TENM4: variants seen among roughly 807,000 people sequenced by gnomAD.
The protein encoded by TENM4 is teneurin transmembrane protein 4.
In TENM4, 82 loss-of-function variants were observed where a neutral mutation model predicts 243.3. That is an observed-to-expected ratio of 0.34 (90% confidence interval 0.28 to 0.40). TENM4 has a LOEUF of 0.40. TENM4 is among the 10% of genes least tolerant of loss of function. The probability of loss-of-function intolerance (pLI) is 1.00; values close to 1 mark genes in which losing one functional copy is unlikely to be tolerated. For synonymous variants in TENM4, 1,412 were observed against 1,456.3 expected (o/e 0.97, Z 0.69); for missense variants, 3,138 against 3,673.3 (o/e 0.85, Z 3.77).
chr11:79,423,077 T>G (rs760452548), intron 1 of TENM4, among the ~76,000 whole-genome samples: 1 of 152,102 alleles, frequency 6.6e-6, no homozygotes, highest in African/African-American at 2.4e-5. Flanking sequence ...GAGGCTGTCC[T>G]AAACCCAATC....
At chr11:78,925,098 T>C (rs1202342923) in intron 6 of TENM4, among the ~76,000 whole-genome samples, 1 of 152,246 alleles carries the variant, frequency 6.6e-6, no homozygotes, top group Non-Finnish European at 1.5e-5. Context: ...TAAATCTTAA[T>C]TCTTATCCTG....
intron 1 of TENM4, among the ~76,000 whole-genome samples, chr11:79,305,566 G>C (rs1313817800): frequency 6.6e-6 from 1 of 152,180 alleles, no homozygotes; most frequent in Non-Finnish European, 1.5e-5. Context: ...TGTGGCAAGA[G>C]GCTTAAAACG....
At chr11:78,863,213 A>T in intron 9 of TENM4, 81 bp from the exon 10 acceptor site, 1 of 1,396,702 alleles carries the variant, frequency 7.2e-7, no homozygotes, top group Non-Finnish European at 9.5e-7. Flanking sequence ...AAAGGTGGGC[A>T]GGGTGGGGGA....
chr11:78,969,047 A>C (rs1857491394), intron 6 of TENM4, among the ~76,000 whole-genome samples: 1 of 152,194 alleles, frequency 6.6e-6, no homozygotes, highest in Non-Finnish European at 1.5e-5. Context: ...TACCCACTGA[A>C]AACAGTTGCT....
At chr11:79,186,418 G>A (rs192360389) in intron 3 of TENM4, among the ~76,000 whole-genome samples, 10 of 152,176 alleles carry the variant, frequency 6.6e-5, no homozygotes, top group African/African-American at 1.4e-4. Flanking sequence ...GAGCCTTTAC[G>A]TGCTTTATCT....
Position 78,738,468 on chromosome 11 carries a change from G to A in TENM4, c.2859C>T (p.Ile953=). 1 of 1,613,804 alleles carries A rather than the reference G, an allele frequency of 6.2e-7. No homozygotes were observed. Among genetic ancestry groups the A allele is most frequent in the Non-Finnish European group, 8.5e-7 (1 of 1,179,812 alleles). Reference sequence around the variant, plus strand: ...TCTCCTACCTGCCATCTTGCCTGCTGATTGTATATCCAAAGAGAGGGTTAT... The same window carrying A: ...TCTCCTACCTGCCATCTTGCCTGCTAATTGTATATCCAAAGAGAGGGTTAT... ...FVNNPLFGYT[I]SRQDGSFDLV... The change falls in exon 20 of 34, where the codon ATC becomes ATT. Residue 953 remains isoleucine, a synonymous_variant. Coordinates refer to ENST00000278550, the MANE Select transcript of TENM4 (RefSeq NM_001098816.3).
At chr11:79,418,024 CG>C (rs1858855196) in intron 1 of TENM4, among the ~76,000 whole-genome samples, 1 of 152,146 alleles carries the variant, frequency 6.6e-6, no homozygotes, top group South Asian at 2.1e-4. Context: ...ATACTTTAAA[CG>C]GTGTATGTAT....
intron 6 of TENM4, among the ~76,000 whole-genome samples, chr11:78,923,981 A>G (rs1017638859): frequency 1.3e-5 from 2 of 151,280 alleles, no homozygotes; most frequent in Non-Finnish European, 1.5e-5. Context: ...CAGCCTCCCA[A>G]GTAGCTGGGA....
At position 79,315,545 on chromosome 11, in the gene TENM4, T is replaced by C. The variant is rs1432555114; in HGVS notation, c.-320-18002A>G. Among the ~76,000 whole-genome samples the C allele has an allele frequency of 2.6e-5, 4 of 152,192 alleles. No homozygotes were observed. The East Asian group carries it at 5.8e-4, about 22-fold the overall frequency. Reference sequence around the variant, plus strand: ...TGTCCATGGTGCTGAACAATCCTTGTGCTGGAGAACAGGGGTGCTCAAAGT... The same window carrying C: ...TGTCCATGGTGCTGAACAATCCTTGCGCTGGAGAACAGGGGTGCTCAAAGT... On this transcript the variant is annotated intron_variant, in intron 1 of 33. Transcript: ENST00000278550.
At chr11:79,190,075 G>C (rs747592133) in intron 3 of TENM4, among the ~76,000 whole-genome samples, 1 of 152,168 alleles carries the variant, frequency 6.6e-6, no homozygotes, top group Admixed American at 6.5e-5. Flanking sequence ...TCCCTTCTCT[G>C]TGCTCCTACT....
intron 2 of TENM4, among the ~76,000 whole-genome samples, chr11:79,256,603 A>G (rs1389394601): frequency 6.6e-6 from 1 of 152,246 alleles, no homozygotes; most frequent in Non-Finnish European, 1.5e-5. Context: ...TTTCCATCTC[A>G]GAGTTCAAAG....
rs778876768 is a variant in TENM4, at chr11:78,676,181, G to C, written c.5467C>G (p.Gln1823Glu). Residue 1823 changes from glutamine (Q) to glutamate (E), a missense_variant, in exon 30 of 34, where the codon CAG (glutamine) becomes GAG (glutamate). Physicochemically the swap from Gln to Glu is conservative, Grantham distance 29. Around this residue, in one of 2 missense-constraint regions of TENM4, gnomAD observed 2,467 missense variants for 3,059.1 expected, o/e 0.81. Coordinates refer to ENST00000278550, the MANE Select transcript of TENM4 (RefSeq NM_001098816.3). ...AGCCGGCGCCCAAAGACAGTGACCT[G>C]GCCCCGAGCCTGCTCTTTGCGCTGG... ...WRQRKEQARG[Q>E]VTVFGRRLRV... 34 of 1,541,294 alleles carry C rather than the reference G, an allele frequency of 2.2e-5. No individual in the cohort carries two copies. Among genetic ancestry groups the C allele is most frequent in the Non-Finnish European group, 3.0e-5 (34 of 1,136,282 alleles).
chr11:79,392,466 T>G (rs1354370250), intron 1 of TENM4, among the ~76,000 whole-genome samples: 1 of 152,164 alleles, frequency 6.6e-6, no homozygotes, highest in African/African-American at 2.4e-5. Context: ...GAAAGTCCCT[T>G]TAGAAAAGGA....
At chr11:79,236,342 T>C (rs376584865) in intron 2 of TENM4, among the ~76,000 whole-genome samples, 14 of 152,178 alleles carry the variant, frequency 9.2e-5, no homozygotes, top group African/African-American at 3.4e-4. Flanking sequence ...CAATCTAAAC[T>C]TTCCTTGATG....
chr11:78,914,129 C>T (rs1856261067), intron 6 of TENM4, among the ~76,000 whole-genome samples: 1 of 152,196 alleles, frequency 6.6e-6, no homozygotes, highest in East Asian at 1.9e-4. Flanking sequence ...CTATTCCCAG[C>T]CTTGCCTTTA....
chr11:78,717,021 A>G (rs758069800), intron 25 of TENM4, among the ~76,000 whole-genome samples: 1 of 152,208 alleles, frequency 6.6e-6, no homozygotes, highest in African/African-American at 2.4e-5. Context: ...TTCTGATTCA[A>G]TTCTGATGCC....
At chr11:79,336,222 T>C (rs1490897192) in intron 1 of TENM4, among the ~76,000 whole-genome samples, 1 of 152,144 alleles carries the variant, frequency 6.6e-6, no homozygotes, top group East Asian at 1.9e-4. Context: ...GTTTAGTCCA[T>C]AGAGCCCAAA....
chr11:79,365,155 A>C (rs1204883505), intron 1 of TENM4, among the ~76,000 whole-genome samples: 1 of 152,210 alleles, frequency 6.6e-6, no homozygotes, highest in African/African-American at 2.4e-5. Flanking sequence ...TGGCACTAAA[A>C]ATTGCAGCCC....
intron 2 of TENM4, among the ~76,000 whole-genome samples, chr11:79,244,424 G>C (rs1855478024): frequency 6.7e-6 from 1 of 149,174 alleles, no homozygotes; most frequent in African/African-American, 2.5e-5. Context: ...AGGAGGGACA[G>C]GGCTGTATGT....
Sources: allele counts gnomAD v4.1 joint callset (sites outside exome capture counted in the v4.1 genomes callset), GRCh38; gene constraint gnomAD v4.1.1; regional missense constraint gnomAD v4.1.1; transcripts MANE v1.5; gene names NCBI Gene and HGNC (gene_info 2026-07-23, HGNC 2026-07-21).